Variants in SEH1L observed in about 807,000 individuals in gnomAD.
SEH1L encodes the protein nucleoporin SEH1.
In SEH1L, 18 loss-of-function variants were observed where a neutral mutation model predicts 49.5. That is an observed-to-expected ratio of 0.36 (90% CI 0.25 to 0.54). SEH1L has a LOEUF of 0.54. SEH1L is among the 20% of genes least tolerant of loss of function. The pLI is 0.87. For missense variants in SEH1L, 404 were observed against 528.8 expected (o/e 0.76, Z 2.31); for synonymous variants, 169 against 178.1 (o/e 0.95, Z 0.41).
At chr18:12,980,699 ACC>A (rs2032192107) in intron 6 of SEH1L, among the ~76,000 whole-genome samples, 1 of 28,156 alleles carries the variant, frequency 3.6e-5, no homozygotes, top group African/African-American at 1.7e-4. Context: ...GGGGGCTGAC[ACC>A]CCCCACTTCC....
At chr18:12,969,911 A>G (rs2031624001) in intron 4 of SEH1L, among the ~76,000 whole-genome samples, 1 of 152,286 alleles carries the variant, frequency 6.6e-6, no homozygotes, top group South Asian at 2.1e-4. Flanking sequence ...AAAAAAACGC[A>G]AAAGGAAGTT....
intron 4 of SEH1L, among the ~76,000 whole-genome samples, chr18:12,964,855 T>A (rs534409034): frequency 1.3e-5 from 2 of 151,624 alleles, no homozygotes; most frequent in Non-Finnish European, 2.9e-5. Context: ...GCCAGGCTGG[T>A]CTTGAACTCC....
chr18:12,982,439 G>A, intron 6 of SEH1L, 79 bp from the exon 7 acceptor site: 8 of 978,608 alleles, frequency 8.2e-6, no homozygotes, highest in East Asian at 2.7e-5. Flanking sequence ...TTTTACGTGT[G>A]TATATATATA....
At chr18:12,949,080 C>T (rs866743515) in intron 1 of SEH1L, among the ~76,000 whole-genome samples, 4 of 151,458 alleles carry the variant, frequency 2.6e-5, no homozygotes, top group Non-Finnish European at 4.4e-5. Context: ...AGGCTGGTCT[C>T]GAACTCCTGA....
At chr18:12,980,737 CAGA>C (rs1568229627) in intron 6 of SEH1L, among the ~76,000 whole-genome samples, 343 of 54,694 alleles carry the variant, frequency 6.3e-3, no homozygotes, top group East Asian at 0.014. Flanking sequence ...GCTGGCCGGG[CAGA>C]GGGGCTCCTC....
chr18:12,971,847 A>T (rs560835163), intron 5 of SEH1L: 2 of 152,464 alleles, frequency 1.3e-5, no homozygotes, highest in African/African-American at 4.8e-5. Flanking sequence ...TTAGCCAGAC[A>T]AAGAGGGCAG....
At chr18:12,952,308 C>G (rs2030589716) in intron 2 of SEH1L, among the ~76,000 whole-genome samples, 1 of 150,560 alleles carries the variant, frequency 6.6e-6, no homozygotes, top group African/African-American at 2.4e-5. Context: ...TCTTGGCTCA[C>G]TGCAACCTCC....
chr18:12,979,886 C>T (rs1246433256), intron 6 of SEH1L, among the ~76,000 whole-genome samples: 3 of 138,678 alleles, frequency 2.2e-5, no homozygotes, highest in Non-Finnish European at 4.7e-5. Context: ...GACCCCCCCA[C>T]CTCCTTCGCG....
chr18:12,948,458 G>A, intron 1 of SEH1L: 1 of 409,206 alleles, frequency 2.4e-6, no homozygotes, highest in East Asian at 4.1e-5. Flanking sequence ...CTGGTGCCAC[G>A]TGCGCGCTCC....
At chr18:12,975,808 A>T in intron 5 of SEH1L, 1 of 986,020 alleles carries the variant, frequency 1.0e-6, no homozygotes, top group Non-Finnish European at 1.2e-6. Flanking sequence ...ATGATGTGGA[A>T]TGAGGACATG....
intron 4 of SEH1L, among the ~76,000 whole-genome samples, chr18:12,970,186 CAG>C (rs2031635140): frequency 1.3e-5 from 2 of 152,116 alleles, no homozygotes; most frequent in Admixed American, 1.3e-4. Context: ...GCCAGGTTTA[CAG>C]AGATATTAAT....
At chr18:12,949,657 G>A (rs1397588931) in intron 1 of SEH1L, among the ~76,000 whole-genome samples, 2 of 151,926 alleles carry the variant, frequency 1.3e-5, no homozygotes, top group South Asian at 4.2e-4. Context: ...GTTTCACCAT[G>A]TTAGCCAGGA....
At chr18:12,986,557 T>C (rs927925995) in intron 8 of SEH1L, 4 of 968,420 alleles carry the variant, frequency 4.1e-6, no homozygotes, top group South Asian at 9.6e-5. Flanking sequence ...GTTTTGAATT[T>C]ATAAAATTAA....
chr18:12,985,155 T>A (rs2032413730), intron 8 of SEH1L: 3 of 1,426,140 alleles, frequency 2.1e-6, no homozygotes, highest in Admixed American at 4.3e-5. Flanking sequence ...TATTTTTTGA[T>A]CTGTATTCTT....
intron 4 of SEH1L, 30 bp downstream of exon 4, chr18:12,963,401 A>G: frequency 6.6e-7 from 1 of 1,525,194 alleles, no homozygotes; most frequent in Non-Finnish European, 9.1e-7. Context: ...CTCTGATAAC[A>G]TCCTAGTAAA....
intron 4 of SEH1L, among the ~76,000 whole-genome samples, chr18:12,970,088 C>G (rs2031631450): frequency 6.6e-6 from 1 of 151,988 alleles, no homozygotes; most frequent in South Asian, 2.1e-4. Flanking sequence ...TAATAAAGAA[C>G]TAATTTTTTT....
chr18:12,984,055 A>G lies in SEH1L; in HGVS notation c.935A>G (p.Asn312Ser). The change falls in exon 8 of 9, where the codon AAT becomes AGT. Residue 312 changes from asparagine (N) to serine (S), a missense_variant. This residue lies in a region of SEH1L where 342 missense variants were observed against 430.8 expected (regional missense o/e 0.79). Transcript: ENST00000399892. ...VRLWKANYMDNWKCTGILKGN... is the reference protein window; with the variant it reads ...VRLWKANYMDSWKCTGILKGN... Reference sequence around the variant, plus strand: ...TTCCTTTCAGCTAATTATATGGACAATTGGAAGTGTACTGGTATTTTGAAA... The same window carrying G: ...TTCCTTTCAGCTAATTATATGGACAGTTGGAAGTGTACTGGTATTTTGAAA... 2 of 1,613,492 alleles carry G rather than the reference A, an allele frequency of 1.2e-6. No homozygotes were observed. The highest frequency in any genetic ancestry group is 1.7e-6 in the Non-Finnish European group (2 of 1,179,488).
intron 4 of SEH1L, among the ~76,000 whole-genome samples, chr18:12,963,594 A>G (rs780856322): frequency 3.9e-5 from 6 of 152,350 alleles, no homozygotes; most frequent in African/African-American, 1.2e-4. Flanking sequence ...GATGTTTTCT[A>G]TGCATATGCA....
chr18:12,949,732 C>T (rs1474749252), intron 1 of SEH1L, among the ~76,000 whole-genome samples: 1 of 152,066 alleles, frequency 6.6e-6, no homozygotes, highest in Non-Finnish European at 1.5e-5. Flanking sequence ...GGATTACGGG[C>T]GTGAGCCACC....
Sources: allele counts gnomAD v4.1 joint callset (sites outside exome capture counted in the v4.1 genomes callset), GRCh38; gene constraint gnomAD v4.1.1; regional missense constraint gnomAD v4.1.1; transcripts MANE v1.5; gene names NCBI Gene and HGNC (gene_info 2026-07-23, HGNC 2026-07-21).